TLL1: variants seen among roughly 807,000 people sequenced by gnomAD.
TLL1 encodes the protein tolloid like 1.
A neutral mutation model predicts 128.2 loss-of-function variants in TLL1; 49 were observed. The observed-to-expected ratio is 0.38, with a 90% confidence interval of 0.30 to 0.48. The LOEUF is 0.48. TLL1 is among the 20% of genes least tolerant of loss of function. TLL1 has a pLI of 0.96. For synonymous variants in TLL1, 454 were observed against 418.8 expected, an observed-to-expected ratio of 1.08 and a Z score of -1.03; for missense variants, 1,123 against 1,242.0, an observed-to-expected ratio of 0.90 and a Z score of 1.44.
At chr4:165,887,787 A>G (rs1227427853) in intron 1 of TLL1, among the ~76,000 whole-genome samples, 1 of 152,218 alleles carries the variant, frequency 6.6e-6, no homozygotes, top group African/African-American at 2.4e-5. Context: ...ATTCTAATCC[A>G]TTAACATGGT....
chr4:166,043,510 G>A, intron 12 of TLL1, 91 bp downstream of exon 12: 1 of 1,568,862 alleles, frequency 6.4e-7, no homozygotes, highest in Non-Finnish European at 8.8e-7. Flanking sequence ...CAAAGAAACA[G>A]AGAGTCAGCC....
At chr4:165,950,121 CAATATT>C (rs1734438554) in intron 1 of TLL1, among the ~76,000 whole-genome samples, 2 of 151,800 alleles carry the variant, frequency 1.3e-5, no homozygotes, top group Admixed American at 6.6e-5. Flanking sequence ...GCTAGAGTGT[CAATATT>C]AATATCAAAT....
chr4:166,054,985 T>A, intron 12 of TLL1, 91 bp from the exon 13 acceptor site: 1 of 1,051,594 alleles, frequency 9.5e-7, no homozygotes, highest in Non-Finnish European at 1.4e-6. Context: ...TATTAACAAA[T>A]CAGAAGTATG....
At chr4:166,076,881 T>C (rs1741056187) in intron 17 of TLL1, among the ~76,000 whole-genome samples, 1 of 152,132 alleles carries the variant, frequency 6.6e-6, no homozygotes, top group Non-Finnish European at 1.5e-5. Flanking sequence ...AAGGTGAAGG[T>C]CTAGTATTAA....
At chr4:166,049,390 T>G (rs1739611014) in intron 12 of TLL1, among the ~76,000 whole-genome samples, 1 of 152,224 alleles carries the variant, frequency 6.6e-6, no homozygotes, top group Non-Finnish European at 1.5e-5. Flanking sequence ...TTTTGTTGTT[T>G]AATCATTATG....
chr4:165,934,801 G>A (rs1012139358), intron 1 of TLL1, among the ~76,000 whole-genome samples: 1 of 152,260 alleles, frequency 6.6e-6, no homozygotes, highest in South Asian at 2.1e-4. Flanking sequence ...CACAATGGCC[G>A]TAGGATTCCA....
intron 16 of TLL1, among the ~76,000 whole-genome samples, chr4:166,070,309 CAG>C (rs1422625691): frequency 2.6e-5 from 4 of 151,778 alleles, no homozygotes; most frequent in Non-Finnish European, 5.9e-5. Flanking sequence ...TTGAGCATAA[CAG>C]AAATATTAGT....
At chr4:166,089,709 C>G (rs1048340392) in intron 18 of TLL1, among the ~76,000 whole-genome samples, 1 of 152,048 alleles carries the variant, frequency 6.6e-6, no homozygotes, top group Admixed American at 6.6e-5. Context: ...ATGAAGTAAG[C>G]CTTCCTTTTC....
chr4:166,058,830 A>C (rs1740152164), intron 14 of TLL1, among the ~76,000 whole-genome samples: 1 of 152,170 alleles, frequency 6.6e-6, no homozygotes, highest in African/African-American at 2.4e-5. Context: ...TACCTGTAAT[A>C]GAGGATATAA....
intron 1 of TLL1, among the ~76,000 whole-genome samples, chr4:165,967,057 C>T (rs1735419301): frequency 6.6e-6 from 1 of 152,104 alleles, no homozygotes; most frequent in Admixed American, 6.5e-5. Flanking sequence ...TAGATACTTC[C>T]CCCTAGGAAT....
intron 12 of TLL1, 58 bp from the exon 13 acceptor site, chr4:166,055,018 C>T: frequency 7.1e-7 from 1 of 1,413,048 alleles, no homozygotes; most frequent in African/African-American, 1.4e-5. Context: ...CATCTATCCT[C>T]CTATATAAAA....
At chr4:165,878,920 C>CTTTT (rs140447889) in intron 1 of TLL1, among the ~76,000 whole-genome samples, 17 of 60,462 alleles carry the variant, frequency 2.8e-4, no homozygotes, top group Non-Finnish European at 3.4e-4. Flanking sequence ...TGATGGCTTC[C>CTTTT]TTTTTTTTTT....
intron 1 of TLL1, among the ~76,000 whole-genome samples, chr4:165,900,287 C>A (rs1223546173): frequency 6.6e-6 from 1 of 152,016 alleles, no homozygotes; most frequent in Admixed American, 6.6e-5. Context: ...ATGATGATAG[C>A]CGGTTATTTT....
chr4:166,053,380 A>G (rs1438331008), intron 12 of TLL1: 1 of 151,908 alleles, frequency 6.6e-6, no homozygotes, highest in East Asian at 1.9e-4. Flanking sequence ...TTAATTATTT[A>G]TTTTGTTTAT....
At chr4:165,881,388 G>C (rs1334225907) in intron 1 of TLL1, among the ~76,000 whole-genome samples, 1 of 152,200 alleles carries the variant, frequency 6.6e-6, no homozygotes, top group Non-Finnish European at 1.5e-5. Context: ...AGGAAAACAG[G>C]CAAGTGGTGA....
chr4:165,923,868 G>A (rs1456770597), intron 1 of TLL1, among the ~76,000 whole-genome samples: 2 of 152,044 alleles, frequency 1.3e-5, no homozygotes, highest in African/African-American at 4.8e-5. Flanking sequence ...TCATGTCTCT[G>A]TGTCACATTT....
chr4:166,077,708 A>T (rs1741097386), intron 17 of TLL1, among the ~76,000 whole-genome samples, 195 bp from the exon 18 acceptor site: 1 of 152,196 alleles, frequency 6.6e-6, no homozygotes, highest in South Asian at 2.1e-4. Context: ...TGTGAGGCAG[A>T]CAACAAACAT....
At chr4:166,041,903 C>T in intron 10 of TLL1, 124 bp from the exon 11 acceptor site, 1 of 683,100 alleles carries the variant, frequency 1.5e-6, no homozygotes, top group Non-Finnish European at 2.6e-6. Context: ...GTTGTGGCTG[C>T]AATCACTTGG....
At chr4:166,075,140 C>A (rs1032326769) in intron 17 of TLL1, 137 bp downstream of exon 17, 14 of 1,207,062 alleles carry the variant, frequency 1.2e-5, no homozygotes, top group African/African-American at 1.5e-5. Flanking sequence ...AAACAAAATT[C>A]TGTGTAATGT....
Sources: gnomAD v4.1 joint callset for allele counts (sites outside exome capture counted in the v4.1 genomes callset) on GRCh38, gnomAD v4.1.1 for gene constraint, MANE v1.5 for transcripts, NCBI Gene and HGNC (gene_info 2026-07-23, HGNC 2026-07-21) for gene names.